The following EMG1 variants were observed in gnomAD, a reference collection of about 807,000 sequenced individuals.
EMG1 encodes EMG1 N1-specific pseudouridine methyltransferase.
A neutral mutation model predicts 26.9 loss-of-function variants in EMG1; 24 were observed. The ratio of observed to expected loss-of-function variants is 0.89; its 90% CI spans 0.65 to 1.26. The LOEUF is 1.26. EMG1 is among the 50% of genes most tolerant of loss of function. The pLI is 0.00. For missense variants in EMG1, 299 were observed against 307.6 expected, an observed-to-expected ratio of 0.97 and a Z score of 0.21; for synonymous variants, 140 against 112.6, an observed-to-expected ratio of 1.24 and a Z score of -1.54.
At chr12:6,991,408 T>A (rs1292100742), downstream of EMG1, among the ~76,000 whole-genome samples, 1 of 152,236 alleles carries the variant, frequency 6.6e-6, no homozygotes, top group African/African-American at 2.4e-5. Flanking sequence ...CTTTGTAACA[T>A]CACACATAGA....
At chr12:6,975,492 T>C (rs1591708859) in intron 5 of EMG1, 114 bp downstream of exon 5, 1 of 1,214,558 alleles carries the variant, frequency 8.2e-7, no homozygotes, top group East Asian at 2.5e-5. Context: ...ACATGACAGT[T>C]CCACACCCTG....
At chr12:6,974,516 C>G (rs781859267) in intron 2 of EMG1, 36 bp from the exon 3 acceptor site, 10 of 1,610,290 alleles carry the variant, frequency 6.2e-6, no homozygotes, top group Non-Finnish European at 8.5e-6. Flanking sequence ...TGCCTCTCTT[C>G]AGCCTTAACC....
Position 6,979,742 on chromosome 12 carries a change from T to G in EMG1, c.*3933T>G, listed in dbSNP as rs1555153835. 1.6e-6 allele frequency: 1 copy of G among 616,430 alleles called. No homozygotes were observed. The highest frequency in any genetic ancestry group is 1.8e-5 in the African/African-American group (1 of 54,230). 38.2% of individuals were successfully genotyped at this position (616,430 alleles called of 1,614,324 possible). A position where few individuals can be genotyped will look rare whatever the true frequency, so the allele number is the denominator to read the frequency against. ...AGTGTTTCCTGTTTCAGGGAAAGATTTCTATGGCTGGCTATGAGGAATGGG... is the reference window on the plus strand; with the variant it reads ...AGTGTTTCCTGTTTCAGGGAAAGATGTCTATGGCTGGCTATGAGGAATGGG... On this transcript the variant is annotated 3_prime_UTR_variant, in exon 6 of 6. Transcript: ENST00000599672.
rs782767044 is a variant in EMG1, at chr12:6,977,379, G to T, written c.*1570G>T. ...GGCCTTCACTTGCCTTAAGCCATTTGTCCCACGTGAAGAGGCAGAAGGCAG... is the reference window on the plus strand; with the variant it reads ...GGCCTTCACTTGCCTTAAGCCATTTTTCCCACGTGAAGAGGCAGAAGGCAG... On this transcript the variant is annotated 3_prime_UTR_variant, in exon 6 of 6. Coordinates refer to ENST00000599672, the MANE Select transcript of EMG1 (RefSeq NM_006331.8). The surrounding 1 kb of genome is among the most constrained non-coding windows in gnomAD (Gnocchi z 4.5). 6.2e-7 allele frequency: 1 copy of T among 1,614,068 alleles called. No individual in the cohort carries two copies. The highest frequency in any genetic ancestry group is 1.1e-5 in the South Asian group (1 of 91,084).
chr12:6,977,227 G>T lies in EMG1; in HGVS notation c.*1418G>T. ...GCAATATGAATAGTAGGCTCAGGAA[G>T]AAGATGTGGCCAAGGAAATAGATGG... On this transcript the variant is annotated 3_prime_UTR_variant, in exon 6 of 6. Transcript: ENST00000599672. This position sits in a 1 kb window ranked among gnomAD's most constrained non-coding sequence, Gnocchi z 4.5. 1 of 1,614,050 alleles carries T rather than the reference G, an allele frequency of 6.2e-7. No individual in the cohort carries two copies. The highest frequency in any genetic ancestry group is 1.3e-5 in the African/African-American group (1 of 75,044).
chr12:6,986,247 CCTCCTTGCCTG>C (rs1437567423), intron 6 of EMG1, among the ~76,000 whole-genome samples: 40 of 152,200 alleles, frequency 2.6e-4, no homozygotes, highest in Non-Finnish European at 5.0e-4. Context: ...TCTTTCTCCT[CCTCCTTGCCTG>C]CTCAACCTGA....
At chr12:6,972,891 A>C (rs1253076547) in intron 1 of EMG1, among the ~76,000 whole-genome samples, 2 of 151,646 alleles carry the variant, frequency 1.3e-5, no homozygotes, top group Non-Finnish European at 2.9e-5. Flanking sequence ...TGGGCAACAG[A>C]GTGCAGTGGT....
Position 6,978,795 on chromosome 12 carries a change from A to C in EMG1, c.*2986A>C. 1.3e-6 allele frequency: 2 copies of C among 1,507,582 alleles called. No individual in the cohort carries two copies. Among genetic ancestry groups the C allele is most frequent in the Middle Eastern group, 3.6e-4 (2 of 5,568 alleles). 93.4% of individuals were successfully genotyped at this position (1,507,582 alleles called of 1,614,324 possible). ...TGGCTGGCTACTTCATACCTGCCTGAGTCCTGCTGCCAGATGCCCTCAATA... is the reference window on the plus strand; with the variant it reads ...TGGCTGGCTACTTCATACCTGCCTGCGTCCTGCTGCCAGATGCCCTCAATA... On this transcript the variant is annotated 3_prime_UTR_variant, in exon 6 of 6. Transcript: ENST00000599672.
chr12:6,992,181 C>A (rs1946595535), downstream of EMG1, among the ~76,000 whole-genome samples: 1 of 151,712 alleles, frequency 6.6e-6, no homozygotes, highest in African/African-American at 2.4e-5. Context: ...AAAACAAAAA[C>A]AAAAATTAGC....
Position 6,975,872 on chromosome 12 carries a change from A to G in EMG1, c.*63A>G. ...TGTCACATCCTTTGACCCTGGTCTG[A>G]GCTGACTGCTGGAAGATGATCTTTC... On this transcript the variant is annotated 3_prime_UTR_variant, in exon 6 of 6. Transcript: ENST00000599672. 1.0e-6 allele frequency: 1 copy of G among 958,408 alleles called. No individual in the cohort carries two copies. The highest frequency in any genetic ancestry group is 1.7e-6 in the Non-Finnish European group (1 of 592,460). The allele number at this position is 958,408 out of a possible 1,614,324, so 59.4% of individuals were successfully genotyped here.
At chr12:6,985,359 G>A (rs1946512700) in intron 6 of EMG1, among the ~76,000 whole-genome samples, 2 of 151,886 alleles carry the variant, frequency 1.3e-5, no homozygotes, top group Non-Finnish European at 2.9e-5. Flanking sequence ...TGGCACCACT[G>A]CACTCCAGCC....
chr12:6,974,843 A>C (rs989289956), intron 3 of EMG1, 150 bp downstream of exon 3: 1 of 960,094 alleles, frequency 1.0e-6, no homozygotes, highest in Non-Finnish European at 1.6e-6. Context: ...TTATTTTTCT[A>C]TGTTTGTGGA....
chr12:6,977,784 T>G lies in EMG1; in HGVS notation c.*1975T>G. The G allele has an allele frequency of 1.9e-6, 3 of 1,612,002 alleles. No individual in the cohort carries two copies. Among genetic ancestry groups the G allele is most frequent in the Middle Eastern group, 3.3e-4 (2 of 6,028 alleles). On this transcript the variant is annotated 3_prime_UTR_variant, in exon 6 of 6. Transcript: ENST00000599672. This position sits in a 1 kb window ranked among gnomAD's most constrained non-coding sequence, Gnocchi z 4.5. ...TGGGTGGGGCGACCCTCAAACTGAC[T>G]GGTCCTTGCATCCCGCCACCTGCCT... is the stretch of plus-strand genomic sequence containing the variant.
downstream of EMG1, among the ~76,000 whole-genome samples, chr12:6,992,983 T>C (rs1946603285): frequency 6.6e-6 from 1 of 152,198 alleles, no homozygotes; most frequent in East Asian, 1.9e-4. Context: ...TTTTTATTTA[T>C]ATTTTTATTA....
In EMG1 at chr12:6,977,503, C is replaced by A. The variant is rs1436770025; in HGVS notation, c.*1694C>A. 31 of 1,614,064 alleles carry A rather than the reference C, an allele frequency of 1.9e-5. No individual in the cohort carries two copies. The highest frequency in any genetic ancestry group is 2.6e-5 in the Non-Finnish European group (31 of 1,180,044). On this transcript the variant is annotated 3_prime_UTR_variant, in exon 6 of 6. Transcript: ENST00000599672. The surrounding 1 kb of genome is among the most constrained non-coding windows in gnomAD (Gnocchi z 4.5). ...GGCGGCCAGCTTGCTCAGGGTGGGG[C>A]TCTCTTGAATGAGCCTGGCAGCCTG... is the stretch of plus-strand genomic sequence containing the variant.
At position 6,975,347 on chromosome 12, in the gene EMG1, T is replaced by C. The variant is rs781834410; in HGVS notation, c.590T>C (p.Val197Ala). The C allele has an allele frequency of 2.8e-5, 45 of 1,605,456 alleles. No homozygotes were observed. Among genetic ancestry groups the C allele is most frequent in the Non-Finnish European group, 3.6e-5 (42 of 1,175,572 alleles). The change falls in exon 5 of 6, where the codon GTT becomes GCT. Residue 197 changes from valine to alanine, a missense_variant. Val to Ala is a moderately conservative substitution (Grantham distance 64, BLOSUM62 0). Transcript: ENST00000599672. ...CTGGTGCCCAGCAGTGATCCTATTG[T>C]TTTTGTGGTAGGGGCCTTTGCCCAT... ...RELVPSSDPI[V>A]FVVGAFAHGK...
Position 6,975,776 on chromosome 12 carries a change from C to G in EMG1, c.702C>G (p.Thr234=), listed in dbSNP as rs782208139. ...CTGCCCTCACCTGTGCAAAACTTAC[C>G]ACAGCCTTTGAGGAAGTATGGGGGG... ...LSAALTCAKL[T]TAFEEVWGVI The change falls in exon 6 of 6, where the codon ACC becomes ACG. Residue 234 remains threonine (T), a synonymous_variant. Coordinates refer to ENST00000599672, the MANE Select transcript of EMG1 (RefSeq NM_006331.8). 6.2e-7 allele frequency: 1 copy of G among 1,612,746 alleles called. No homozygotes were observed. The highest frequency in any genetic ancestry group is 8.5e-7 in the Non-Finnish European group (1 of 1,178,754).
downstream of EMG1, chr12:6,980,884 A>T: frequency 1.0e-6 from 1 of 987,128 alleles, no homozygotes; most frequent in Non-Finnish European, 1.5e-6. Context: ...ACAACAGTCC[A>T]GGGCCTGCAT....
At chr12:6,981,776 A>T, downstream of EMG1, 1 of 1,546,078 alleles carries the variant, frequency 6.5e-7, no homozygotes, top group Non-Finnish European at 8.9e-7. Context: ...GGAGGGACCT[A>T]CATGTAAGGA....
Sources: gnomAD v4.1 joint callset for allele counts (sites outside exome capture counted in the v4.1 genomes callset) on GRCh38, gnomAD v4.1.1 for gene constraint, Gnocchi (gnomAD v3.1) non-coding constraint, MANE v1.5 for transcripts, NCBI Gene and HGNC (gene_info 2026-07-23, HGNC 2026-07-21) for gene names.